The following HEMK2 variants were observed in gnomAD, a reference collection of about 807,000 sequenced individuals.
HEMK2 encodes the protein methyltransferase HEMK2.
the HEMK2 span, among the ~76,000 whole-genome samples, chr21:28,868,139 T>C: frequency 1.3e-5 from 2 of 152,194 alleles, no homozygotes; most frequent in African/African-American, 4.8e-5. Context: ...TGGGTCAATA[T>C]AAAACTATCT....
At chr21:28,625,109 G>T in the HEMK2 span, among the ~76,000 whole-genome samples, 2 of 152,196 alleles carry the variant, frequency 1.3e-5, no homozygotes, top group African/African-American at 2.4e-5. Flanking sequence ...GAAATCAACT[G>T]AGGAAAAGTC....
chr21:28,796,719 T>C, the HEMK2 span, among the ~76,000 whole-genome samples: 1 of 152,208 alleles, frequency 6.6e-6, no homozygotes, highest in African/African-American at 2.4e-5. Flanking sequence ...TACATGCCAC[T>C]ATACTCAGCT....
At chr21:28,878,391 C>T in the HEMK2 span, 434 of 1,593,740 alleles carry the variant, frequency 2.7e-4, 4 homozygotes, top group Non-Finnish European at 4.3e-6. Context: ...AGATCACAAA[C>T]TGAATCTTTT....
the HEMK2 span, among the ~76,000 whole-genome samples, chr21:28,845,323 G>A: frequency 3.3e-5 from 5 of 152,010 alleles, no homozygotes; most frequent in African/African-American, 1.2e-4. Flanking sequence ...ACATGATTAT[G>A]ATGCAGTAGT....
the HEMK2 span, chr21:28,626,439 G>A: frequency 6.6e-6 from 1 of 152,068 alleles, no homozygotes; most frequent in Non-Finnish European, 1.5e-5. Flanking sequence ...AAAATGATAT[G>A]GCAAGCACAG....
the HEMK2 span, among the ~76,000 whole-genome samples, chr21:28,690,265 A>G: frequency 0.013 from 2,030 of 152,292 alleles, 18 homozygotes; most frequent in Non-Finnish European, 0.021. Context: ...GCCAAACCAT[A>G]TCACTGAGGG....
chr21:28,599,822 A>G, the HEMK2 span, among the ~76,000 whole-genome samples: 2 of 152,216 alleles, frequency 1.3e-5, no homozygotes, highest in Non-Finnish European at 2.9e-5. Context: ...CCCATTCCAA[A>G]TGAAAGAAAT....
chr21:28,675,359 C>T, the HEMK2 span, among the ~76,000 whole-genome samples: 3 of 152,134 alleles, frequency 2.0e-5, no homozygotes, highest in Non-Finnish European at 4.4e-5. Flanking sequence ...TTATGTCAGG[C>T]AGAGCACAGC....
chr21:28,789,595 T>C, the HEMK2 span, among the ~76,000 whole-genome samples: 1 of 152,226 alleles, frequency 6.6e-6, no homozygotes, highest in African/African-American at 2.4e-5. Flanking sequence ...GTAAATTCTT[T>C]CTAGAGTGGA....
the HEMK2 span, among the ~76,000 whole-genome samples, chr21:28,691,282 C>G: frequency 6.6e-6 from 1 of 152,120 alleles, no homozygotes; most frequent in Non-Finnish European, 1.5e-5. Flanking sequence ...TTTCTCTTTC[C>G]TTTTAACCAG....
At chr21:28,661,890 C>T in the HEMK2 span, among the ~76,000 whole-genome samples, 2 of 152,102 alleles carry the variant, frequency 1.3e-5, no homozygotes, top group Non-Finnish European at 2.9e-5. Flanking sequence ...GTAGAAGCTA[C>T]CACATTGAAC....
chr21:28,881,397 A>C, the HEMK2 span, among the ~76,000 whole-genome samples: 1 of 152,206 alleles, frequency 6.6e-6, no homozygotes, highest in African/African-American at 2.4e-5. Context: ...ACATAACCCA[A>C]GTTGATCCAG....
the HEMK2 span, among the ~76,000 whole-genome samples, chr21:28,731,112 G>T: frequency 6.6e-6 from 1 of 152,294 alleles, no homozygotes; most frequent in East Asian, 1.9e-4. Context: ...GTGGAGAGAG[G>T]CTTAGGCTAA....
the HEMK2 span, among the ~76,000 whole-genome samples, chr21:28,664,788 G>C: frequency 6.6e-6 from 1 of 152,050 alleles, no homozygotes; most frequent in Non-Finnish European, 1.5e-5. Context: ...TAGACCTTTA[G>C]ATTACAGTAG....
chr21:28,782,254 G>A, the HEMK2 span, among the ~76,000 whole-genome samples: 1 of 152,086 alleles, frequency 6.6e-6, no homozygotes, highest in East Asian at 1.9e-4. Flanking sequence ...ACTGCATCCA[G>A]CAGTCAAGGT....
At chr21:28,591,427 G>A in the HEMK2 span, among the ~76,000 whole-genome samples, 1 of 152,180 alleles carries the variant, frequency 6.6e-6, no homozygotes, top group Non-Finnish European at 1.5e-5. Flanking sequence ...ACAAGGTGGT[G>A]ACTTTGAAGA....
At chr21:28,882,057 T>G in the HEMK2 span, 1 of 779,324 alleles carries the variant, frequency 1.3e-6, no homozygotes, top group South Asian at 1.8e-5. Context: ...CATGGTATAC[T>G]GCTTAGTGGG....
the HEMK2 span, among the ~76,000 whole-genome samples, chr21:28,691,740 A>G: frequency 2.0e-5 from 3 of 152,238 alleles, no homozygotes; most frequent in Admixed American, 6.5e-5. Flanking sequence ...AAGTGTCAAC[A>G]AAGATGTCAG....
the HEMK2 span, among the ~76,000 whole-genome samples, chr21:28,730,540 A>G: frequency 6.6e-6 from 1 of 152,190 alleles, no homozygotes; most frequent in Admixed American, 6.5e-5. Flanking sequence ...CTCCACTGGA[A>G]AAGGACCTGC....
Sources: gnomAD v4.1 joint callset for allele counts (sites outside exome capture counted in the v4.1 genomes callset) on GRCh38, gnomAD v4.1.1 for gene constraint, MANE v1.5 for transcripts, NCBI Gene and HGNC (gene_info 2026-07-23, HGNC 2026-07-21) for gene names.